The following RALGAPB variants were observed in gnomAD, a reference collection of about 807,000 sequenced individuals.
The protein encoded by RALGAPB is ral GTPase-activating protein subunit beta.
A neutral mutation model predicts 161.1 loss-of-function variants in RALGAPB; 25 were observed. That is an observed-to-expected ratio of 0.16 (90% confidence interval 0.11 to 0.22). The LOEUF (loss-of-function observed/expected upper bound fraction) is 0.22, where lower values mean the gene tolerates loss of function less well. RALGAPB is among the 10% of genes least tolerant of loss of function. The pLI is 1.00. For synonymous variants in RALGAPB, 629 were observed against 626.1 expected (o/e 1.00, Z -0.07); for missense variants, 1,391 against 1,815.2 (o/e 0.77, Z 4.25).
At chr20:38,563,556 TGCC>T (rs2087867746) in intron 24 of RALGAPB, among the ~76,000 whole-genome samples, 4 of 152,318 alleles carry the variant, frequency 2.6e-5, no homozygotes, top group Admixed American at 2.0e-4. Context: ...TTAAGACCTT[TGCC>T]CCACCTGGCT....
In RALGAPB at chr20:38,509,166, A is replaced by G; in HGVS notation, c.830A>G (p.Glu277Gly). Residue 277 changes from glutamate to glycine, a missense_variant, in exon 6 of 30, where the codon GAG becomes GGG. Coordinates refer to ENST00000262879, the MANE Select transcript of RALGAPB (RefSeq NM_020336.4). ...ASLIPPEMDN[E>G]CVAQTWFRFL... ...CTGATCCCTCCAGAAATGGATAATGAGTGTGTTGCACAGACATGGTTTCGC... is the reference window on the plus strand; with the variant it reads ...CTGATCCCTCCAGAAATGGATAATGGGTGTGTTGCACAGACATGGTTTCGC... The G allele has an allele frequency of 6.2e-7, 1 of 1,613,870 alleles. No homozygotes were observed. Among genetic ancestry groups the G allele is most frequent in the African/African-American group, 1.3e-5 (1 of 75,046 alleles).
intron 21 of RALGAPB, among the ~76,000 whole-genome samples, chr20:38,552,789 G>A (rs1247667956): frequency 2.6e-5 from 4 of 152,166 alleles, no homozygotes; most frequent in African/African-American, 9.7e-5. Flanking sequence ...AGGTTAAGTA[G>A]CATTATCTAT....
intron 19 of RALGAPB, among the ~76,000 whole-genome samples, chr20:38,548,299 A>C (rs2087242902): frequency 6.6e-6 from 1 of 152,332 alleles, no homozygotes; most frequent in South Asian, 2.1e-4. Context: ...GTTGTTCCCA[A>C]CATTGGGAGG....
intron 1 of RALGAPB, among the ~76,000 whole-genome samples, chr20:38,476,807 ATAAAG>A (rs373049673): frequency 4.6e-5 from 7 of 152,316 alleles, no homozygotes; most frequent in African/African-American, 1.7e-4. Flanking sequence ...CTATTTTATA[ATAAAG>A]TGTTGAATAT....
intron 20 of RALGAPB, among the ~76,000 whole-genome samples, chr20:38,550,662 T>TA (rs1399030284): frequency 1.3e-5 from 2 of 152,198 alleles, no homozygotes; most frequent in Non-Finnish European, 2.9e-5. Context: ...AGATTCTTGT[T>TA]AAAATCACTT....
At chr20:38,518,424 T>G (rs1467448338) in intron 9 of RALGAPB, among the ~76,000 whole-genome samples, 1 of 152,226 alleles carries the variant, frequency 6.6e-6, no homozygotes, top group African/African-American at 2.4e-5. Flanking sequence ...CAGAAAATTT[T>G]TGCTTCACAC....
chr20:38,501,902 C>T (rs1236595597), intron 5 of RALGAPB, among the ~76,000 whole-genome samples: 2 of 151,916 alleles, frequency 1.3e-5, no homozygotes, highest in Non-Finnish European at 2.9e-5. Flanking sequence ...TTAGGTATGT[C>T]GTAGGCATAA....
At chr20:38,541,812 T>A (rs2086978096) in intron 18 of RALGAPB, among the ~76,000 whole-genome samples, 1 of 152,034 alleles carries the variant, frequency 6.6e-6, no homozygotes, top group Non-Finnish European at 1.5e-5. Context: ...TACTTCCAGA[T>A]AAGGGGAAGT....
chr20:38,509,256 T>C (rs2085862540), intron 6 of RALGAPB, 48 bp downstream of exon 6: 3 of 1,572,768 alleles, frequency 1.9e-6, no homozygotes, highest in African/African-American at 1.4e-5. Flanking sequence ...GTAAGTATCT[T>C]AGGGCAGGAA....
intron 29 of RALGAPB, 119 bp from the exon 30 acceptor site, chr20:38,574,655 G>A (rs2145555480): frequency 9.7e-7 from 1 of 1,030,128 alleles, no homozygotes; most frequent in East Asian, 2.4e-5. Context: ...GGGATGGGAA[G>A]TTTGCAAATT....
chr20:38,501,124 A>G (rs2085581651), intron 5 of RALGAPB, among the ~76,000 whole-genome samples: 1 of 152,212 alleles, frequency 6.6e-6, no homozygotes, highest in Admixed American at 6.5e-5. Context: ...TCACTAAACA[A>G]CAGATTTTCA....
intron 20 of RALGAPB, among the ~76,000 whole-genome samples, chr20:38,550,405 T>G (rs2087336583): frequency 6.6e-6 from 1 of 152,252 alleles, no homozygotes; most frequent in Admixed American, 6.5e-5. Flanking sequence ...ATATCTTAGA[T>G]GTCTCTGTTA....
At position 38,576,365 on chromosome 20, in the gene RALGAPB, T is replaced by G. The variant is rs2088436466; in HGVS notation, c.*1398T>G. ...TCAGAGCTACAACCATCTGTTTGGT[T>G]TGATGTTTTGGTGGTTTACTTACGG... is the stretch of plus-strand genomic sequence containing the variant. On this transcript the variant is annotated 3_prime_UTR_variant, in exon 30 of 30. Coordinates refer to ENST00000262879, the MANE Select transcript of RALGAPB (RefSeq NM_020336.4). 6.6e-6 allele frequency: 1 copy of G among 152,616 alleles called. No individual in the cohort carries two copies. Among genetic ancestry groups the G allele is most frequent in the Non-Finnish European group, 1.5e-5 (1 of 68,042 alleles). 9.5% of individuals were successfully genotyped at this position (152,616 alleles called of 1,614,324 possible). A position where few individuals can be genotyped will look rare whatever the true frequency, so the allele number is the denominator to read the frequency against.
intron 5 of RALGAPB, among the ~76,000 whole-genome samples, chr20:38,503,968 A>G (rs1007013071): frequency 6.6e-6 from 1 of 152,236 alleles, no homozygotes; most frequent in African/African-American, 2.4e-5. Context: ...TTCATGGATT[A>G]GAAGAATCAA....
At chr20:38,508,825 A>G (rs2085847575) in intron 5 of RALGAPB, among the ~76,000 whole-genome samples, 1 of 152,166 alleles carries the variant, frequency 6.6e-6, no homozygotes, top group African/African-American at 2.4e-5. Context: ...GGAGTACATA[A>G]TGATGTTTTG....
At chr20:38,537,064 A>G (rs2086827683) in intron 16 of RALGAPB, among the ~76,000 whole-genome samples, 3 of 152,224 alleles carry the variant, frequency 2.0e-5, no homozygotes, top group Non-Finnish European at 4.4e-5. Context: ...GGACCTGCCT[A>G]ACAATTCATA....
chr20:38,539,799 A>C lies in RALGAPB; in HGVS notation c.2403A>C (p.Gly801=). 6.2e-7 allele frequency: 1 copy of C among 1,613,652 alleles called. No homozygotes were observed. The highest frequency in any genetic ancestry group is 2.2e-5 in the East Asian group (1 of 44,876). The stretch of plus-strand genomic sequence containing the variant: ...AGGTAAAAGTGATGGTTGACTCAGG[A>C]GACCGGAAGCGAGCCATCAGTTCTG... ...LAKVKVMVDS[G]DRKRAISSVC... The change falls in exon 17 of 30, where the codon GGA becomes GGC. Residue 801 remains glycine, a synonymous_variant. Coordinates refer to ENST00000262879, the MANE Select transcript of RALGAPB (RefSeq NM_020336.4).
rs191860231 is a variant in RALGAPB at position 38,527,234 on chromosome 20, C to T, written c.2050+1192C>T. ...CTGTTCAAAAGTGGGATCAGACATT[C>T]CCTTTAAGCCCTTATGCCCCCAGAG... On this transcript the variant is annotated intron_variant, in intron 13 of 29. Transcript: ENST00000262879. Among the ~76,000 whole-genome samples, 3 of 152,292 alleles carry T rather than the reference C, an allele frequency of 2.0e-5. No individual in the cohort carries two copies. In the East Asian group the frequency reaches 5.8e-4, roughly 29 times the overall value.
At chr20:38,510,858 C>G (rs1350140317) in intron 6 of RALGAPB, among the ~76,000 whole-genome samples, 1 of 116,370 alleles carries the variant, frequency 8.6e-6, no homozygotes, top group African/African-American at 6.8e-5. Context: ...TGCAGTGAGC[C>G]GAGATTGCGC....
Sources: gnomAD v4.1 joint callset for allele counts (sites outside exome capture counted in the v4.1 genomes callset) on GRCh38, gnomAD v4.1.1 for gene constraint, MANE v1.5 for transcripts, NCBI Gene and HGNC (gene_info 2026-07-23, HGNC 2026-07-21) for gene names.